TCFL5: variants seen among roughly 807,000 people sequenced by gnomAD.
TCFL5 encodes transcription factor-like 5 protein.
TCFL5 carries 9 observed loss-of-function variants against 44.3 expected under a neutral mutation model. The observed-to-expected ratio is 0.20, with a 90% CI of 0.12 to 0.35. TCFL5 has a LOEUF of 0.35. TCFL5 is among the 10% of genes least tolerant of loss of function. The probability of loss-of-function intolerance (pLI) is 1.00; values close to 1 mark genes in which losing one functional copy is unlikely to be tolerated. For synonymous variants in TCFL5, 319 were observed against 271.6 expected, an observed-to-expected ratio of 1.17 and a Z score of -1.72; for missense variants, 603 against 613.4, an observed-to-expected ratio of 0.98 and a Z score of 0.18.
At position 62,841,751 on chromosome 20, in the gene TCFL5, G is replaced by A. The variant is rs1445883436; in HGVS notation, c.*224C>T. 2 of 372,394 alleles carry A rather than the reference G, an allele frequency of 5.4e-6. No homozygotes were observed. Among genetic ancestry groups the A allele is most frequent in the Non-Finnish European group, 9.5e-6 (2 of 210,632 alleles). The allele number at this position is 372,394 out of a possible 1,614,324, so 23.1% of individuals were successfully genotyped here. ...ATTAATTATTACTAATTATTAAGAT[G>A]GCTTCATCCCCAAATGGTCTAAGAG... On this transcript the variant is annotated 3_prime_UTR_variant, in exon 6 of 6. Transcript: ENST00000335351.
chr20:62,861,552 G>T lies in TCFL5; in HGVS notation c.119C>A (p.Thr40Lys). The T allele has an allele frequency of 8.7e-7, 1 of 1,143,390 alleles. No individual in the cohort carries two copies. The allele number at this position is 1,143,390 out of a possible 1,614,324, so 70.8% of individuals were successfully genotyped here. A position where few individuals can be genotyped will look rare whatever the true frequency, so the allele number is the denominator to read the frequency against. The change falls in exon 1 of 6, where the codon ACG becomes AAG. Residue 40 changes from threonine (T) to lysine (K), a missense_variant. Physicochemically the swap from Thr to Lys is moderately conservative, Grantham distance 78. Coordinates refer to ENST00000335351, the MANE Select transcript of TCFL5 (RefSeq NM_006602.4). The surrounding 1 kb of genome is among the most constrained non-coding windows in gnomAD (Gnocchi z 4.0). ...CTCCACCAGGCTCAGGTCGGTGGTC[G>T]TGAAGCTCAGCCCCGGCTCGCCCAG... is the stretch of plus-strand genomic sequence containing the variant. ...AALGEPGLSF[T>K]TTDLSLVEMT...
chr20:62,845,851 A>T (rs1403678581), intron 5 of TCFL5: 5 of 1,587,086 alleles, frequency 3.2e-6, no homozygotes, highest in Non-Finnish European at 4.3e-6. Flanking sequence ...GACAAAGATC[A>T]GTTTGCGTGT....
At chr20:62,852,127 T>A in intron 5 of TCFL5, 1 of 985,322 alleles carries the variant, frequency 1.0e-6, no homozygotes, top group Non-Finnish European at 1.2e-6. Flanking sequence ...TTGGAAGAGG[T>A]CCTTGTTTGT....
At chr20:62,847,617 C>T (rs533249234) in intron 5 of TCFL5, among the ~76,000 whole-genome samples, 16 of 152,330 alleles carry the variant, frequency 1.1e-4, no homozygotes, top group African/African-American at 3.1e-4. Flanking sequence ...TAAAACAGGT[C>T]ACAACACAGC....
chr20:62,859,489 T>G lies in TCFL5; in HGVS notation c.869A>C (p.Lys290Thr). Residue 290 changes from lysine (K) to threonine (T), a missense_variant, in exon 3 of 6, where the codon AAG (lysine) becomes ACG (threonine). Physicochemically the swap from Lys to Thr is moderately conservative, Grantham distance 78. Around this residue, in one of 4 missense-constraint regions of TCFL5, gnomAD observed 540 missense variants for 478.7 expected, o/e 1.13. Transcript: ENST00000335351. ...TCTAGGCAATCCAATATCCTGGTGCTTGGCAGCTTCAAGTACAGAACATGA... is the reference window on the plus strand; with the variant it reads ...TCTAGGCAATCCAATATCCTGGTGCGTGGCAGCTTCAAGTACAGAACATGA... ...SNSCSVLEAAKHQDIGLPRAF... is the reference protein window; with the variant it reads ...SNSCSVLEAATHQDIGLPRAF... The G allele has an allele frequency of 1.2e-6, 2 of 1,613,582 alleles. No homozygotes were observed. Among genetic ancestry groups the G allele is most frequent in the Non-Finnish European group, 1.7e-6 (2 of 1,179,898 alleles).
Position 62,849,868 on chromosome 20 carries a change from T to C in TCFL5, c.1380+4148A>G, listed in dbSNP as rs558146332. Among the ~76,000 whole-genome samples the C allele has an allele frequency of 5.9e-4, 90 of 152,128 alleles. 1 individual carries two copies. The highest frequency in any genetic ancestry group is 2.1e-3 in the African/African-American group (86 of 41,498). On this transcript the variant is annotated intron_variant, in intron 5 of 5. Coordinates refer to ENST00000335351, the MANE Select transcript of TCFL5 (RefSeq NM_006602.4). ...TACTTAGGAGGCTGAGGCAAGAGGA[T>C]TGCTTGAGCCCAGGAGGCAGAGGCT...
chr20:62,856,181 C>T (rs1226938272), intron 4 of TCFL5, among the ~76,000 whole-genome samples: 3 of 136,702 alleles, frequency 2.2e-5, no homozygotes, highest in Non-Finnish European at 3.1e-5. Flanking sequence ...ACCTGGGAGG[C>T]GGAGGTTGCA....
chr20:62,857,196 C>T (rs2063906879), intron 4 of TCFL5, among the ~76,000 whole-genome samples, 199 bp downstream of exon 4: 1 of 152,190 alleles, frequency 6.6e-6, no homozygotes, highest in African/African-American at 2.4e-5. Context: ...CATGCGGAGT[C>T]CCGGGAGTCC....
At position 62,861,071 on chromosome 20, in the gene TCFL5, G is replaced by C; in HGVS notation, c.600C>G (p.Pro200=). Residue 200 remains proline (P), a synonymous_variant, in exon 1 of 6, where the codon CCC becomes CCG. Transcript: ENST00000335351. This position sits in a 1 kb window ranked among gnomAD's most constrained non-coding sequence, Gnocchi z 4.0. ...RFNSIPAEPP[P]APRGPEPPEP... The stretch of plus-strand genomic sequence containing the variant: ...CGGGGGGCTCGGGGCCGCGCGGCGC[G>C]GGCGGCGGCTCGGCGGGGATGCTGT... 1 of 995,952 alleles carries C rather than the reference G, an allele frequency of 1.0e-6. No individual in the cohort carries two copies. The highest frequency in any genetic ancestry group is 1.2e-6 in the Non-Finnish European group (1 of 838,784). 61.7% of individuals were successfully genotyped at this position (995,952 alleles called of 1,614,324 possible). A position where few individuals can be genotyped will look rare whatever the true frequency, so the allele number is the denominator to read the frequency against.
chr20:62,844,561 GT>G (rs911762716), intron 5 of TCFL5, among the ~76,000 whole-genome samples: 11 of 138,876 alleles, frequency 7.9e-5, no homozygotes, highest in Admixed American at 2.1e-4. Flanking sequence ...TTTTTTTTCT[GT>G]TTTTTTTTGT....
chr20:62,857,836 C>T (rs1005707796), intron 3 of TCFL5, among the ~76,000 whole-genome samples, 198 bp from the exon 4 acceptor site: 6 of 152,106 alleles, frequency 3.9e-5, no homozygotes, highest in African/African-American at 7.2e-5. Context: ...TTTTATACAA[C>T]GAAACTGAAC....
rs560656606 is a variant in TCFL5, at chr20:62,848,593, C to T, written c.1380+5423G>A. ...TCTCTACTAAAAATACAAAAATTAGCCGGGCGTGGTGGGATGCGTTTGTAA... is the reference window on the plus strand; with the variant it reads ...TCTCTACTAAAAATACAAAAATTAGTCGGGCGTGGTGGGATGCGTTTGTAA... On this transcript the variant is annotated intron_variant, in intron 5 of 5. Transcript: ENST00000335351. Among the ~76,000 whole-genome samples, 26 of 151,790 alleles carry T rather than the reference C, an allele frequency of 1.7e-4. 1 individual carries two copies. In the South Asian group the frequency reaches 5.4e-3, roughly 32 times the overall value.
Position 62,861,562 on chromosome 20 carries a change from GC to G in TCFL5, c.108del (p.Leu37Ter). Reference protein sequence around the residue: ...GGGDAALGEPGLSFTTTDLSL... With the variant: ...GGGDAALGEPXLSFTTTDLSL... The stretch of plus-strand genomic sequence containing the variant: ...CTCAGGTCGGTGGTCGTGAAGCTCA[GC>G]CCCGGCTCGCCCAGCGCCGCGTCCC... On this transcript the variant is annotated frameshift_variant, in exon 1 of 6. Coordinates refer to ENST00000335351, the MANE Select transcript of TCFL5 (RefSeq NM_006602.4). LOFTEE classifies it high-confidence loss of function. This position sits in a 1 kb window ranked among gnomAD's most constrained non-coding sequence, Gnocchi z 4.0. The G allele has an allele frequency of 8.9e-7, 1 of 1,118,758 alleles. No homozygotes were observed. The allele number at this position is 1,118,758 out of a possible 1,614,324, so 69.3% of individuals were successfully genotyped here.
chr20:62,851,961 C>G (rs1406251833), intron 5 of TCFL5: 2 of 795,054 alleles, frequency 2.5e-6, no homozygotes, highest in Non-Finnish European at 3.0e-6. Context: ...GGCGCCACCA[C>G]GCCTGGCTAA....
chr20:62,844,287 G>T (rs994577900), intron 5 of TCFL5, among the ~76,000 whole-genome samples: 1 of 152,328 alleles, frequency 6.6e-6, no homozygotes, highest in South Asian at 2.1e-4. Flanking sequence ...TGTAAAAGTA[G>T]TATCTCATTG....
In TCFL5 at chr20:62,857,433, T is replaced by A. The variant is rs2294996; in HGVS notation, c.1200A>T (p.Gln400His). 6.2e-7 allele frequency: 1 copy of A among 1,614,072 alleles called. No homozygotes were observed. Among genetic ancestry groups the A allele is most frequent in the Non-Finnish European group, 8.5e-7 (1 of 1,180,016 alleles). The part of the protein sequence containing the change: ...AQSGPQGGRS[Q>H]RRERHNRMER... ...CCATTCGGTTATGCCTCTCCCTACG[T>A]TGAGACCTTCCTCCCTGGGGCCCAC... Residue 400 changes from glutamine to histidine, a missense_variant, in exon 4 of 6, where the codon CAA (glutamine) becomes CAT (histidine). Physicochemically the swap from Gln to His is conservative, Grantham distance 24. Coordinates refer to ENST00000335351, the MANE Select transcript of TCFL5 (RefSeq NM_006602.4).
chr20:62,852,768 C>A (rs1568784527), intron 5 of TCFL5: 1 of 1,288,170 alleles, frequency 7.8e-7, no homozygotes, highest in East Asian at 5.6e-5. Context: ...AGTATATTCA[C>A]CCATTCCACA....
At chr20:62,845,832 G>A in intron 5 of TCFL5, 1 of 1,596,524 alleles carries the variant, frequency 6.3e-7, no homozygotes, top group Non-Finnish European at 8.6e-7. Flanking sequence ...CATTATAAAA[G>A]TGATTTATGA....
chr20:62,852,582 T>A (rs544491215), intron 5 of TCFL5: 1 of 985,216 alleles, frequency 1.0e-6, no homozygotes, highest in South Asian at 4.7e-5. Flanking sequence ...CTGGCTGTCC[T>A]GAGGGACTGC....
Sources: gnomAD v4.1 joint callset for allele counts (sites outside exome capture counted in the v4.1 genomes callset) on GRCh38, gnomAD v4.1.1 for gene constraint, gnomAD v4.1.1 regional missense constraint, Gnocchi (gnomAD v3.1) non-coding constraint, MANE v1.5 for transcripts, NCBI Gene and HGNC (gene_info 2026-07-23, HGNC 2026-07-21) for gene names.